The following ACSL4 variants were observed in gnomAD, a reference collection of about 807,000 sequenced individuals.
The protein encoded by ACSL4 is acyl-CoA synthetase long chain family member 4.
In ACSL4, 9 loss-of-function variants were observed where a neutral mutation model predicts 49.1. That is an observed-to-expected ratio of 0.18 (90% CI 0.11 to 0.32). The LOEUF (loss-of-function observed/expected upper bound fraction) is 0.32. Among genes scored for constraint, ACSL4 ranks in the 10% least tolerant of loss-of-function variants. The probability of loss-of-function intolerance (pLI) is 1.00; values close to 1 mark genes in which losing one functional copy is unlikely to be tolerated. For synonymous variants in ACSL4, 191 were observed against 170.3 expected (o/e 1.12, Z -0.95); for missense variants, 333 against 493.7 (o/e 0.67, Z 3.08).
At chrX:109,696,027 A>G (rs749585725) in intron 2 of ACSL4, 117 bp downstream of exon 2, 29 of 112,565 alleles carry the variant, frequency 2.6e-4, no homozygotes, top group Non-Finnish European at 4.5e-4. Context: ...AATCATAAAT[A>G]TTGGTAGAGT....
At chrX:109,730,899 C>A (rs1327500898) in intron 1 of ACSL4, among the ~76,000 whole-genome samples, 2 of 111,663 alleles carry the variant, frequency 1.8e-5, no homozygotes, top group African/African-American at 3.3e-5. Flanking sequence ...ATCTCCTGAC[C>A]TCATGATCCG....
chrX:109,644,964 A>T (rs1362724292), intron 15 of ACSL4, among the ~76,000 whole-genome samples: 1 of 113,120 alleles, frequency 8.8e-6, no homozygotes, highest in Non-Finnish European at 1.9e-5. Flanking sequence ...CTTTTCCGAC[A>T]GGCTTAAAAA....
At chrX:109,727,657 TTGTG>T (rs35186119) in intron 1 of ACSL4, among the ~76,000 whole-genome samples, 8,321 of 87,852 alleles carry the variant, frequency 0.095, 547 homozygotes, top group East Asian at 0.21. Flanking sequence ...GTTTGTTAAA[TTGTG>T]TGTGTGTGTG....
At chrX:109,703,307 G>GA (rs1926102440) in intron 1 of ACSL4, among the ~76,000 whole-genome samples, 1 of 111,162 alleles carries the variant, frequency 9.0e-6, no homozygotes, top group Non-Finnish European at 1.9e-5. Context: ...ATCAAATCAT[G>GA]AAAAAACATT....
intron 1 of ACSL4, among the ~76,000 whole-genome samples, chrX:109,715,418 C>T (rs1927050255): frequency 1.8e-5 from 2 of 110,605 alleles, no homozygotes; most frequent in South Asian, 7.7e-4. Context: ...GTGGGAGGAT[C>T]GCCTGAGGTC....
At chrX:109,654,099 T>C (rs964092454) in intron 15 of ACSL4, among the ~76,000 whole-genome samples, 1 of 110,308 alleles carries the variant, frequency 9.1e-6, no homozygotes, top group Non-Finnish European at 1.9e-5. Flanking sequence ...TATATTTGTT[T>C]ACAGTGATGG....
intron 13 of ACSL4, 112 bp downstream of exon 13, chrX:109,663,099 A>T (rs1477549889): frequency 4.2e-6 from 3 of 718,442 alleles, no homozygotes; most frequent in Non-Finnish European, 6.1e-6. Context: ...TAACTTGTCC[A>T]AAGTTTGAAC....
intron 1 of ACSL4, among the ~76,000 whole-genome samples, chrX:109,711,858 C>G (rs1926770539): frequency 9.0e-6 from 1 of 111,664 alleles, no homozygotes; most frequent in Non-Finnish European, 1.9e-5. Flanking sequence ...GAGGTCATGT[C>G]TGTCTTGATA....
chrX:109,656,031 A>T (rs1165531256), intron 15 of ACSL4, among the ~76,000 whole-genome samples: 1 of 111,265 alleles, frequency 9.0e-6, no homozygotes, highest in Non-Finnish European at 1.9e-5. Context: ...ACCGGCGAGT[A>T]AACCAGGAAA....
Position 109,681,381 on chromosome X carries a change from T to C in ACSL4, c.407-6A>G. On this transcript the variant is annotated splice_polypyrimidine_tract_variant and splice_region_variant and intron_variant, in intron 4 of 15. Coordinates refer to ENST00000672401, the MANE Select transcript of ACSL4 (RefSeq NM_001318510.2). ...TGTGGCATATAAAGTCACAACTACATAATAAAAATAAACACAAATATTAAG... is the reference window on the plus strand; with the variant it reads ...TGTGGCATATAAAGTCACAACTACACAATAAAAATAAACACAAATATTAAG... 8.8e-7 allele frequency: 1 copy of C among 1,133,247 alleles called. No individual in the cohort carries two copies. Among genetic ancestry groups the C allele is most frequent in the South Asian group, 1.9e-5 (1 of 53,889 alleles). 93.4% of individuals were successfully genotyped at this position (1,133,247 alleles called of 1,213,427 possible).
At chrX:109,700,860 T>C (rs1306644871) in intron 1 of ACSL4, among the ~76,000 whole-genome samples, 1 of 109,818 alleles carries the variant, frequency 9.1e-6, no homozygotes, top group African/African-American at 3.3e-5. Context: ...CTGACCAACA[T>C]GGTGAAACCC....
chrX:109,685,221 T>C (rs1924515284), intron 2 of ACSL4, among the ~76,000 whole-genome samples: 1 of 107,435 alleles, frequency 9.3e-6, no homozygotes, highest in Non-Finnish European at 1.9e-5. Context: ...GCCTCCCGAG[T>C]AGCTGGGAAC....
intron 9 of ACSL4, among the ~76,000 whole-genome samples, chrX:109,669,455 G>A (rs1254516775): frequency 2.2e-4 from 24 of 107,689 alleles, no homozygotes; most frequent in East Asian, 2.9e-4. Flanking sequence ...GTGCAGTGGC[G>A]GGATCTCGGC....
chrX:109,717,436 C>T (rs1298336730), intron 1 of ACSL4, among the ~76,000 whole-genome samples: 2 of 110,590 alleles, frequency 1.8e-5, no homozygotes, highest in African/African-American at 6.6e-5. Context: ...ATGGAGGTTG[C>T]AGTGAGCCCA....
chrX:109,681,166 A>G (rs1924135570), intron 5 of ACSL4, 30 bp from the exon 6 acceptor site: 1 of 1,208,232 alleles, frequency 8.3e-7, no homozygotes, highest in African/African-American at 1.8e-5. Flanking sequence ...AAAAACAGCT[A>G]TTAAACTTAA....
Position 109,731,589 on chromosome X carries a change from A to T in ACSL4, c.-66+1550T>A, listed in dbSNP as rs749686996. On this transcript the variant is annotated intron_variant, in intron 1 of 15. Transcript: ENST00000672401. ...ATAGGGGGTTTTCCAAAAAAAAAAA[A>T]AAACCCACAAAATTGAATTTACTCA... Among the ~76,000 whole-genome samples, 114 of 110,531 alleles carry T rather than the reference A, an allele frequency of 1.0e-3. 2 individuals are homozygous for T. In the Admixed American group the frequency reaches 0.011, roughly 10 times the overall value.
intron 1 of ACSL4, among the ~76,000 whole-genome samples, chrX:109,711,576 G>T (rs1926753042): frequency 8.9e-6 from 1 of 112,406 alleles, no homozygotes. Context: ...TTACGAACTT[G>T]AACCTCTTTT....
At chrX:109,644,745 T>C (rs1321735125) in intron 15 of ACSL4, among the ~76,000 whole-genome samples, 2 of 112,560 alleles carry the variant, frequency 1.8e-5, no homozygotes, top group Non-Finnish European at 3.8e-5. Flanking sequence ...AGACGGGTGA[T>C]TTCTGCATTT....
intron 1 of ACSL4, among the ~76,000 whole-genome samples, chrX:109,700,258 G>A (rs1166784113): frequency 5.8e-5 from 6 of 103,175 alleles, no homozygotes; most frequent in African/African-American, 1.1e-4. Context: ...AGTCGGGCAC[G>A]GTGGCTCACG....
Sources: allele counts gnomAD v4.1 joint callset (sites outside exome capture counted in the v4.1 genomes callset), GRCh38; gene constraint gnomAD v4.1.1; transcripts MANE v1.5; gene names NCBI Gene and HGNC (gene_info 2026-07-23, HGNC 2026-07-21).